MORF4L1: variants seen among roughly 807,000 people sequenced by gnomAD.
MORF4L1 encodes the protein mortality factor 4-like protein 1.
In MORF4L1, 4 loss-of-function variants were observed where a neutral mutation model predicts 52.9. The ratio of observed to expected loss-of-function variants is 0.08; its 90% CI spans 0.04 to 0.17. The LOEUF (loss-of-function observed/expected upper bound fraction) is 0.17, where lower values mean the gene tolerates loss of function less well. Ranked by LOEUF, MORF4L1 falls within the 10% of genes least tolerant of loss-of-function variation. The probability of loss-of-function intolerance (pLI) is 1.00; values close to 1 mark genes in which losing one functional copy is unlikely to be tolerated. For missense variants in MORF4L1, 214 were observed against 390.4 expected (o/e 0.55, Z 3.81); for synonymous variants, 123 against 134.8 (o/e 0.91, Z 0.61).
At chr15:78,877,478 A>G (rs1419076674) in intron 1 of MORF4L1, among the ~76,000 whole-genome samples, 1 of 152,184 alleles carries the variant, frequency 6.6e-6, no homozygotes, top group Non-Finnish European at 1.5e-5. Context: ...TCAGTTGTCC[A>G]TGGGTCTTTT....
rs999959265 is a variant in MORF4L1 at position 78,886,061 on chromosome 15, C to G, written c.156-80C>G. On this transcript the variant is annotated intron_variant, in intron 3 of 11. Coordinates refer to ENST00000426013, the MANE Select transcript of MORF4L1 (RefSeq NM_006791.4). ...TTCATCAAATTACTTAAGAGAAATC[C>G]AGTCTTGCCTCTTGATCTCAGAAAA... 1.2e-5 allele frequency: 12 copies of G among 988,854 alleles called. No individual in the cohort carries two copies. In the African/African-American group the frequency reaches 1.9e-4, roughly 16 times the overall value. The allele number at this position is 988,854 out of a possible 1,614,324, so 61.3% of individuals were successfully genotyped here.
In MORF4L1 at chr15:78,893,949, A is replaced by C. The variant is rs547185311; in HGVS notation, c.630-109A>C. 8.3e-6 allele frequency: 9 copies of C among 1,085,872 alleles called. No homozygotes were observed. In the East Asian group the frequency reaches 1.9e-4, roughly 24 times the overall value. 67.3% of individuals were successfully genotyped at this position (1,085,872 alleles called of 1,614,324 possible). A position where few individuals can be genotyped will look rare whatever the true frequency, so the allele number is the denominator to read the frequency against. On this transcript the variant is annotated intron_variant, in intron 9 of 11. Transcript: ENST00000426013. Reference sequence around the variant, plus strand: ...TATGCCCTTTAAAAAAATCTCAGCTATGGTTCATTATTACTAGCTCAGCTT... The same window carrying C: ...TATGCCCTTTAAAAAAATCTCAGCTCTGGTTCATTATTACTAGCTCAGCTT...
intron 5 of MORF4L1, among the ~76,000 whole-genome samples, chr15:78,890,010 G>A (rs1315796999): frequency 2.6e-5 from 4 of 152,072 alleles, no homozygotes; most frequent in Non-Finnish European, 5.9e-5. Context: ...ATCACTTGAG[G>A]TCAGGAGTTT....
At chr15:78,892,074 T>C (rs761709547) in intron 7 of MORF4L1, 138 bp from the exon 8 acceptor site, 125 of 540,392 alleles carry the variant, frequency 2.3e-4, no homozygotes, top group Non-Finnish European at 3.8e-4. Context: ...TTATTAATGA[T>C]TTTAAAAAAT....
At chr15:78,888,188 C>T (rs1033535287) in intron 5 of MORF4L1, among the ~76,000 whole-genome samples, 8 of 152,130 alleles carry the variant, frequency 5.3e-5, no homozygotes, top group Non-Finnish European at 1.0e-4. Flanking sequence ...TAGGACGGTG[C>T]GGTGGCTCAC....
In MORF4L1 at chr15:78,874,876, A is replaced by AT. The variant is rs200286003; in HGVS notation, c.40+1828dup. Among the ~76,000 whole-genome samples, 630 of 148,454 alleles carry AT rather than the reference A, an allele frequency of 4.2e-3. 9 individuals are homozygous for AT. Among genetic ancestry groups the AT allele is most frequent in the African/African-American group, 0.013 (535 of 40,400 alleles). ...GAGACGGTGCGTGAAATTGAGGAAG[A>AT]TTTTTTTTTCTATCTCCCAAGTTTA... On this transcript the variant is annotated intron_variant, in intron 1 of 11. Transcript: ENST00000426013.
intron 2 of MORF4L1, among the ~76,000 whole-genome samples, chr15:78,879,204 CTCTT>C (rs1198881925): frequency 5.9e-5 from 9 of 152,124 alleles, no homozygotes; most frequent in South Asian, 2.1e-4. Flanking sequence ...GACTCTCTCT[CTCTT>C]TATTTTTATG....
chr15:78,895,552 A>G (rs2056872919), intron 11 of MORF4L1, among the ~76,000 whole-genome samples: 1 of 152,216 alleles, frequency 6.6e-6, no homozygotes, highest in South Asian at 2.1e-4. Flanking sequence ...TGAAACAAGC[A>G]CTTATTAAAA....
intron 8 of MORF4L1, 140 bp downstream of exon 8, chr15:78,892,453 C>CACTT (rs1160808440): frequency 7.7e-6 from 4 of 519,194 alleles, no homozygotes; most frequent in Non-Finnish European, 1.4e-5. Flanking sequence ...AGAGGCTGAA[C>CACTT]ACTTTAGAAC....
chr15:78,892,078 A>C (rs572124782), intron 7 of MORF4L1, 134 bp from the exon 8 acceptor site: 15 of 511,626 alleles, frequency 2.9e-5, no homozygotes, highest in African/African-American at 2.8e-4. Flanking sequence ...TAATGATTTT[A>C]AAAAATGACA....
intron 11 of MORF4L1, among the ~76,000 whole-genome samples, chr15:78,895,983 A>G (rs2056880129): frequency 6.6e-6 from 1 of 151,862 alleles, no homozygotes; most frequent in Non-Finnish European, 1.5e-5. Context: ...AAAAAAAAAA[A>G]GTTTATTCAT....
chr15:78,889,194 T>C (rs1285689650), intron 5 of MORF4L1, among the ~76,000 whole-genome samples: 9 of 152,212 alleles, frequency 5.9e-5, no homozygotes, highest in African/African-American at 1.9e-4. Flanking sequence ...AGAAGCCTCT[T>C]CAAACTGGCT....
chr15:78,872,959 G>C lies in MORF4L1; in HGVS notation c.-59G>C. The C allele has an allele frequency of 5.8e-6, 9 of 1,542,864 alleles. No individual in the cohort carries two copies. Among genetic ancestry groups the C allele is most frequent in the Non-Finnish European group, 7.0e-6 (8 of 1,143,760 alleles). On this transcript the variant is annotated 5_prime_UTR_variant, in exon 1 of 12. Coordinates refer to ENST00000426013, the MANE Select transcript of MORF4L1 (RefSeq NM_006791.4). ...CTGACGCGGAGTTGGGTGGGGTAGA[G>C]AGTAGGGGGCGGTAGTCGGGGGTGG...
chr15:78,896,845 G>C, intron 11 of MORF4L1, 138 bp from the exon 12 acceptor site: 1 of 623,658 alleles, frequency 1.6e-6, no homozygotes, highest in East Asian at 3.0e-5. Context: ...ATTATGTGTG[G>C]TTTTACTGTG....
intron 5 of MORF4L1, among the ~76,000 whole-genome samples, chr15:78,890,202 T>A (rs1243837065): frequency 6.6e-6 from 1 of 151,848 alleles, no homozygotes; most frequent in East Asian, 1.9e-4. Flanking sequence ...AGACTCCATC[T>A]CAAAATAAAT....
intron 3 of MORF4L1, among the ~76,000 whole-genome samples, chr15:78,884,524 A>T (rs2056660665): frequency 6.6e-6 from 1 of 151,694 alleles, no homozygotes; most frequent in Non-Finnish European, 1.5e-5. Flanking sequence ...CTGTAATCCC[A>T]ATTACTCAGG....
chr15:78,887,375 G>A (rs1447286944), intron 5 of MORF4L1, 26 bp downstream of exon 5: 2 of 1,571,410 alleles, frequency 1.3e-6, no homozygotes, highest in African/African-American at 1.4e-5. Context: ...TTTTGATTTT[G>A]CATACTATAT....
At chr15:78,881,385 C>A (rs1028364334) in intron 3 of MORF4L1, among the ~76,000 whole-genome samples, 1 of 151,698 alleles carries the variant, frequency 6.6e-6, no homozygotes, top group African/African-American at 2.4e-5. Flanking sequence ...TTAGTAGAGA[C>A]GGAGTTTCAC....
intron 1 of MORF4L1, chr15:78,876,589 A>G (rs2056496910): frequency 2.2e-6 from 1 of 455,924 alleles, no homozygotes; most frequent in African/African-American, 2.0e-5. Flanking sequence ...GAAAAATGGT[A>G]GGCCATTTTC....
Sources: allele counts gnomAD v4.1 joint callset (sites outside exome capture counted in the v4.1 genomes callset), GRCh38; gene constraint gnomAD v4.1.1; transcripts MANE v1.5; gene names NCBI Gene and HGNC (gene_info 2026-07-23, HGNC 2026-07-21).